The following SEMA3E variants were observed in gnomAD, a reference collection of about 807,000 sequenced individuals.
SEMA3E encodes semaphorin 3E.
A neutral mutation model predicts 93.6 loss-of-function variants in SEMA3E; 49 were observed. That is an observed-to-expected ratio of 0.52 (90% CI 0.42 to 0.66). The LOEUF is 0.66. Among genes scored for constraint, SEMA3E ranks in the 30% least tolerant of loss-of-function variants. The probability of loss-of-function intolerance (pLI) is 0.00; values close to 1 mark genes in which losing one functional copy is unlikely to be tolerated. For synonymous variants in SEMA3E, 363 were observed against 330.7 expected (o/e 1.10, Z -1.06); for missense variants, 906 against 964.8 (o/e 0.94, Z 0.81).
chr7:83,452,128 T>C (rs536255837), intron 4 of SEMA3E, among the ~76,000 whole-genome samples: 1 of 81,312 alleles, frequency 1.2e-5, no homozygotes, highest in African/African-American at 3.0e-5. Context: ...TGTATGTGTA[T>C]GTATGTGTGT....
intron 1 of SEMA3E, among the ~76,000 whole-genome samples, chr7:83,625,504 C>T (rs959028212): frequency 6.6e-6 from 1 of 151,056 alleles, no homozygotes; most frequent in Non-Finnish European, 1.5e-5. Context: ...TGATTTGGCT[C>T]TCTGTCTAGT....
At position 83,363,278 on chromosome 7, in the gene SEMA3E, T is replaced by C. The variant is rs940958336; in HGVS notation, c.*4308A>G. 6.6e-6 allele frequency: 1 copy of C among 152,218 alleles called. No individual in the cohort carries two copies. Among genetic ancestry groups the C allele is most frequent in the Non-Finnish European group, 1.5e-5 (1 of 68,048 alleles). 9.4% of individuals were successfully genotyped at this position (152,218 alleles called of 1,614,324 possible). ...ATATTTATTTCTTTTTCATCGAAGT[T>C]GAGCCAAATAGAGATTGTACATAAT... is the stretch of plus-strand genomic sequence containing the variant. On this transcript the variant is annotated 3_prime_UTR_variant, in exon 17 of 17. Coordinates refer to ENST00000643230, the MANE Select transcript of SEMA3E (RefSeq NM_012431.3).
At chr7:83,597,465 G>T (rs1283706504) in intron 1 of SEMA3E, among the ~76,000 whole-genome samples, 1 of 152,114 alleles carries the variant, frequency 6.6e-6, no homozygotes, top group African/African-American at 2.4e-5. Context: ...TCAATGCTCT[G>T]TATTAGCACT....
chr7:83,622,002 A>G (rs1193841409), intron 1 of SEMA3E, among the ~76,000 whole-genome samples: 1 of 152,232 alleles, frequency 6.6e-6, no homozygotes, highest in East Asian at 1.9e-4. Context: ...AGATCTAAAT[A>G]AACTAAAGAT....
At position 83,575,409 on chromosome 7, in the gene SEMA3E, A is replaced by G. The variant is rs188496583; in HGVS notation, c.115+73019T>C. ...GACAAAAGATGAGGTAATTTTTATC[A>G]TGTAAATATTATTTAATAGTTTTAC... On this transcript the variant is annotated intron_variant, in intron 1 of 16. Coordinates refer to ENST00000643230, the MANE Select transcript of SEMA3E (RefSeq NM_012431.3). Among the ~76,000 whole-genome samples the G allele has an allele frequency of 4.5e-3, 683 of 151,982 alleles. 2 individuals carry two copies. The highest frequency in any genetic ancestry group is 7.3e-3 in the Admixed American group (111 of 15,254).
chr7:83,580,005 C>T (rs1340386683), intron 1 of SEMA3E, among the ~76,000 whole-genome samples: 4 of 151,994 alleles, frequency 2.6e-5, no homozygotes, highest in African/African-American at 9.7e-5. Context: ...CGAAAGCATA[C>T]TCTACTCTGT....
intron 1 of SEMA3E, among the ~76,000 whole-genome samples, chr7:83,588,812 C>G (rs1202157586): frequency 6.6e-6 from 1 of 152,124 alleles, no homozygotes; most frequent in South Asian, 2.1e-4. Context: ...TTACCCAGAG[C>G]GCAACTGTAT....
intron 1 of SEMA3E, among the ~76,000 whole-genome samples, chr7:83,600,881 C>G (rs751223142): frequency 2.6e-5 from 4 of 152,128 alleles, no homozygotes; most frequent in Non-Finnish European, 5.9e-5. Flanking sequence ...ATGGCATCCT[C>G]AAAGATGTCT....
intron 1 of SEMA3E, among the ~76,000 whole-genome samples, chr7:83,537,789 T>A (rs1791436123): frequency 6.6e-6 from 1 of 152,278 alleles, no homozygotes; most frequent in East Asian, 1.9e-4. Flanking sequence ...ACAGTCAATA[T>A]TGGGACATTT....
chr7:83,489,340 AATT>A (rs1184901457), intron 2 of SEMA3E, among the ~76,000 whole-genome samples: 1 of 152,056 alleles, frequency 6.6e-6, no homozygotes, highest in East Asian at 1.9e-4. Context: ...AGAAGTTTAA[AATT>A]ATTACCTCTA....
intron 4 of SEMA3E, 119 bp downstream of exon 4, chr7:83,466,363 T>G: frequency 8.2e-7 from 1 of 1,219,444 alleles, no homozygotes; most frequent in Non-Finnish European, 1.2e-6. Context: ...TCAAGCAAAC[T>G]GATTCAGTAC....
In SEMA3E at chr7:83,648,635, G is replaced by A. The variant is rs1794112153; in HGVS notation, c.-93C>T. ...TCCCTCCAGGGGCAGCGTGCGAGAG[G>A]CTTTGTCAGAAATCGAACGCGTTGT... is the stretch of plus-strand genomic sequence containing the variant. On this transcript the variant is annotated 5_prime_UTR_variant, in exon 1 of 17. Transcript: ENST00000643230. 4 of 914,984 alleles carry A rather than the reference G, an allele frequency of 4.4e-6. No individual in the cohort carries two copies. The highest frequency in any genetic ancestry group is 5.3e-6 in the Non-Finnish European group (3 of 564,216). 56.7% of individuals were successfully genotyped at this position (914,984 alleles called of 1,614,324 possible).
chr7:83,572,421 A>C (rs1453211698), intron 1 of SEMA3E, among the ~76,000 whole-genome samples: 1 of 152,076 alleles, frequency 6.6e-6, no homozygotes, highest in Non-Finnish European at 1.5e-5. Context: ...CGGGTGGATC[A>C]GGAGGTCAAG....
intron 1 of SEMA3E, among the ~76,000 whole-genome samples, chr7:83,575,604 C>T (rs1422533820): frequency 6.6e-6 from 1 of 151,906 alleles, no homozygotes; most frequent in Non-Finnish European, 1.5e-5. Context: ...TTTATGTCAG[C>T]CCCGGGCCTC....
intron 14 of SEMA3E, among the ~76,000 whole-genome samples, chr7:83,389,344 G>A (rs978072098): frequency 8.0e-6 from 1 of 124,668 alleles, no homozygotes; most frequent in Non-Finnish European, 1.9e-5. Context: ...TCAACAAAAT[G>A]AGAAATGGCT....
rs1794677541 is a variant in SEMA3E at position 83,366,897 on chromosome 7, G to T, written c.*689C>A. On this transcript the variant is annotated 3_prime_UTR_variant, in exon 17 of 17. Transcript: ENST00000643230. The stretch of plus-strand genomic sequence containing the variant: ...TGATTTGACATTCTTTCTGAGATTT[G>T]ATATCTTTCTGAGAAGTTACCTTAG... 6.6e-6 allele frequency: 1 copy of T among 152,148 alleles called. No individual in the cohort carries two copies. The highest frequency in any genetic ancestry group is 1.5e-5 in the Non-Finnish European group (1 of 67,996). 9.4% of individuals were successfully genotyped at this position (152,148 alleles called of 1,614,324 possible).
At chr7:83,483,118 G>GAA (rs559881731) in intron 2 of SEMA3E, among the ~76,000 whole-genome samples, 1 of 132,736 alleles carries the variant, frequency 7.5e-6, no homozygotes, top group African/African-American at 2.8e-5. Flanking sequence ...TCAGAAATCA[G>GAA]AAAAAAAAAA....
At chr7:83,586,810 G>T (rs1421501481) in intron 1 of SEMA3E, among the ~76,000 whole-genome samples, 1 of 152,022 alleles carries the variant, frequency 6.6e-6, no homozygotes, top group Admixed American at 6.6e-5. Flanking sequence ...CGTCAACAAT[G>T]TAAGTACAGA....
chr7:83,550,284 T>C (rs956298127), intron 1 of SEMA3E, among the ~76,000 whole-genome samples: 12 of 152,108 alleles, frequency 7.9e-5, no homozygotes, highest in Non-Finnish European at 1.8e-4. Context: ...CTAATCAAAT[T>C]GTTATGATCT....
Sources: gnomAD v4.1 joint callset for allele counts (sites outside exome capture counted in the v4.1 genomes callset) on GRCh38, gnomAD v4.1.1 for gene constraint, MANE v1.5 for transcripts, NCBI Gene and HGNC (gene_info 2026-07-23, HGNC 2026-07-21) for gene names.